The following PRKX variants were observed in gnomAD, a reference collection of about 807,000 sequenced individuals.
The protein encoded by PRKX is protein kinase cAMP-dependent X-linked catalytic subunit, also known as cAMP-dependent protein kinase catalytic subunit PRKX.
PRKX carries 12 observed loss-of-function variants against 22.0 expected under a neutral mutation model. That is an observed-to-expected ratio of 0.54 (90% CI 0.35 to 0.88). The LOEUF is 0.88. PRKX is among the 40% of genes least tolerant of loss of function. The pLI, the probability that PRKX is intolerant of heterozygous loss-of-function variation, is 0.01. For missense variants in PRKX, 217 were observed against 308.0 expected, an observed-to-expected ratio of 0.70 and a Z score of 2.21; for synonymous variants, 134 against 137.7, an observed-to-expected ratio of 0.97 and a Z score of 0.19.
At chrX:3,675,862 C>G (rs950537505) in intron 1 of PRKX, among the ~76,000 whole-genome samples, 2 of 111,410 alleles carry the variant, frequency 1.8e-5, no homozygotes, top group African/African-American at 6.5e-5. Flanking sequence ...TCACTGTAGC[C>G]TCTACCTCCT....
At chrX:3,689,956 G>A (rs952621074) in intron 1 of PRKX, among the ~76,000 whole-genome samples, 1 of 111,119 alleles carries the variant, frequency 9.0e-6, no homozygotes, top group Non-Finnish European at 1.9e-5. Context: ...CAGCCTGCGT[G>A]ACAGAGCAAG....
At chrX:3,653,415 G>A (rs1369742172) in intron 3 of PRKX, among the ~76,000 whole-genome samples, 1 of 109,465 alleles carries the variant, frequency 9.1e-6, no homozygotes, top group Non-Finnish European at 1.9e-5. Flanking sequence ...GTCTATGAGT[G>A]TGTGTTAGTG....
At chrX:3,701,006 T>C (rs190167841) in intron 1 of PRKX, among the ~76,000 whole-genome samples, 3 of 112,667 alleles carry the variant, frequency 2.7e-5, no homozygotes, top group East Asian at 5.5e-4. Flanking sequence ...AATCATTCTA[T>C]TCCAGTGTCC....
At chrX:3,626,767 G>A (rs1027523377) in intron 4 of PRKX, among the ~76,000 whole-genome samples, 6 of 102,511 alleles carry the variant, frequency 5.9e-5, no homozygotes, top group East Asian at 3.0e-4. Flanking sequence ...TTTGAGAGGC[G>A]TCTGCTGAGC....
At position 3,608,322 on chromosome X, in the gene PRKX, G is replaced by T. The variant is rs900960977; in HGVS notation, c.*647C>A. 9.1e-6 allele frequency: 1 copy of T among 109,723 alleles called. No individual in the cohort carries two copies. The highest frequency in any genetic ancestry group is 3.3e-5 in the African/African-American group (1 of 30,110). The allele number at this position is 109,723 out of a possible 1,213,427, so 9.0% of individuals were successfully genotyped here. ...TTTGTTTCTTCTTTTAAAGTCTCAA[G>T]TTACCAGGTAAGAAGCACTAAAGAT... is the stretch of plus-strand genomic sequence containing the variant. On this transcript the variant is annotated 3_prime_UTR_variant, in exon 9 of 9. Transcript: ENST00000262848.
At chrX:3,619,587 G>A (rs113498290) in intron 6 of PRKX, among the ~76,000 whole-genome samples, 4,289 of 109,675 alleles carry the variant, frequency 0.039, 223 homozygotes, top group African/African-American at 0.13. Context: ...CGTGAAGAAA[G>A]ACAGAGACTG....
intron 4 of PRKX, among the ~76,000 whole-genome samples, chrX:3,639,515 A>AGTGGGTGGGTGGATGGATGACGGG (rs1240336321): frequency 2.1e-4 from 3 of 14,550 alleles, no homozygotes; most frequent in African/African-American, 2.7e-4. Context: ...TGGATGAAGG[A>AGTGGGTGGGTGGATGGATGACGGG]GTGGGTGGGT....
intron 3 of PRKX, among the ~76,000 whole-genome samples, chrX:3,645,824 C>G (rs763318594): frequency 2.5e-4 from 28 of 112,239 alleles, no homozygotes; most frequent in Non-Finnish European, 4.9e-4. Flanking sequence ...GTCTCAAGTA[C>G]TCAGGAGGCT....
intron 3 of PRKX, among the ~76,000 whole-genome samples, chrX:3,652,479 G>A (rs1474089918): frequency 9.1e-6 from 1 of 109,980 alleles, no homozygotes; most frequent in African/African-American, 3.3e-5. Flanking sequence ...AGCTACTTGG[G>A]AGGCTGAGGC....
At chrX:3,701,704 A>G (rs1337663607) in intron 1 of PRKX, among the ~76,000 whole-genome samples, 3 of 111,609 alleles carry the variant, frequency 2.7e-5, no homozygotes, top group African/African-American at 9.8e-5. Flanking sequence ...ATAGGAGGTC[A>G]GCACAAGATG....
intron 1 of PRKX, among the ~76,000 whole-genome samples, chrX:3,708,788 C>T (rs1469359828): frequency 3.5e-4 from 38 of 107,865 alleles, no homozygotes; most frequent in African/African-American, 1.2e-3. Context: ...CGCTTGAACC[C>T]GGGAAGCAGA....
intron 2 of PRKX, among the ~76,000 whole-genome samples, chrX:3,658,608 G>C (rs112228748): frequency 9.0e-6 from 1 of 110,782 alleles, no homozygotes; most frequent in African/African-American, 3.3e-5. Context: ...TTTTGGAGAG[G>C]ACTCGGAAGA....
intron 2 of PRKX, among the ~76,000 whole-genome samples, chrX:3,668,419 G>A (rs1442830885): frequency 1.8e-5 from 2 of 111,360 alleles, no homozygotes; most frequent in Non-Finnish European, 1.9e-5. Context: ...GAGAGAACAT[G>A]GTGTTCTTTC....
intron 1 of PRKX, among the ~76,000 whole-genome samples, chrX:3,711,491 GC>G (rs1274307033): frequency 3.6e-5 from 4 of 112,138 alleles, no homozygotes; most frequent in Non-Finnish European, 7.5e-5. Flanking sequence ...CCTGCTCTCT[GC>G]CCCGGCCTCC....
At position 3,623,697 on chromosome X, in the gene PRKX, T is replaced by C. The variant is rs539959702; in HGVS notation, c.816-2381A>G. 2.7e-5 allele frequency among the ~76,000 whole-genome samples: 3 copies of C among 111,680 alleles called. No individual in the cohort carries two copies. In the South Asian group the frequency reaches 1.1e-3, roughly 43 times the overall value. ...GTGTCCACAGCTGTAGATGGGTCCC[T>C]TGACCCCGGGATAAGCGACACATCT... On this transcript the variant is annotated intron_variant, in intron 5 of 8. Transcript: ENST00000262848.
chrX:3,713,021 T>G (rs1469750189), intron 1 of PRKX, 67 bp downstream of exon 1: 1 of 1,095,120 alleles, frequency 9.1e-7, no homozygotes. Context: ...GGGCCCTTTG[T>G]CCTACTACAA....
rs779806131 is a variant in PRKX at position 3,645,930 on chromosome X, T to A, written c.600-3959A>T. 2.7e-5 allele frequency among the ~76,000 whole-genome samples: 3 copies of A among 111,230 alleles called. No homozygotes were observed. The East Asian group carries it at 8.5e-4, about 32-fold the overall frequency. ...GCCTGGCTGACAGAGGAAGACCCTA[T>A]TCTGAAACATAAAAAATGTTAATAA... On this transcript the variant is annotated intron_variant, in intron 3 of 8. Coordinates refer to ENST00000262848, the MANE Select transcript of PRKX (RefSeq NM_005044.5).
chrX:3,681,571 C>T (rs1268356132), intron 1 of PRKX, among the ~76,000 whole-genome samples: 2 of 109,225 alleles, frequency 1.8e-5, no homozygotes, highest in African/African-American at 6.6e-5. Flanking sequence ...ATGTCTTGAA[C>T]CAGGGAGCAG....
At chrX:3,672,222 T>A (rs901823754) in intron 2 of PRKX, among the ~76,000 whole-genome samples, 5 of 110,749 alleles carry the variant, frequency 4.5e-5, no homozygotes, top group Non-Finnish European at 9.4e-5. Flanking sequence ...TATACTTTTT[T>A]ATATAAAAGA....
Sources: gnomAD v4.1 joint callset for allele counts (sites outside exome capture counted in the v4.1 genomes callset) on GRCh38, gnomAD v4.1.1 for gene constraint, MANE v1.5 for transcripts, NCBI Gene and HGNC (gene_info 2026-07-23, HGNC 2026-07-21) for gene names.